Variants in SPG21 observed in about 807,000 individuals in gnomAD.
SPG21 encodes the protein SPG21 abhydrolase domain containing, maspardin, also known as maspardin.
In SPG21, 26 loss-of-function variants were observed where a neutral mutation model predicts 38.9. That is an observed-to-expected ratio of 0.67 (90% CI 0.49 to 0.93). SPG21 has a LOEUF of 0.93. Ranked by LOEUF, SPG21 falls within the 40% of genes least tolerant of loss-of-function variation. The probability of loss-of-function intolerance (pLI) is 0.00; values close to 1 mark genes in which losing one functional copy is unlikely to be tolerated. For missense variants in SPG21, 333 were observed against 376.5 expected, an observed-to-expected ratio of 0.88 and a Z score of 0.96; for synonymous variants, 136 against 128.9, an observed-to-expected ratio of 1.05 and a Z score of -0.37.
At chr15:64,988,849 G>C (rs1236555301) in intron 1 of SPG21, 1 of 152,316 alleles carries the variant, frequency 6.6e-6, no homozygotes, top group East Asian at 1.9e-4. Flanking sequence ...GGGCGTGGTG[G>C]CGGGAGCCTG....
intron 7 of SPG21, among the ~76,000 whole-genome samples, chr15:64,968,807 A>G (rs1335015961): frequency 1.3e-5 from 2 of 152,200 alleles, no homozygotes; most frequent in African/African-American, 4.8e-5. Flanking sequence ...CTGCCCATAT[A>G]TGTGCAATAT....
At chr15:64,978,013 A>G (rs1242857788) in intron 3 of SPG21, among the ~76,000 whole-genome samples, 1 of 151,742 alleles carries the variant, frequency 6.6e-6, no homozygotes, top group African/African-American at 2.4e-5. Flanking sequence ...TTGTATTTTT[A>G]GTAGAGACGG....
intron 3 of SPG21, among the ~76,000 whole-genome samples, chr15:64,979,934 T>C (rs1234277826): frequency 6.7e-6 from 1 of 149,644 alleles, no homozygotes; most frequent in African/African-American, 2.5e-5. Flanking sequence ...GAATGATCAG[T>C]GGGAAACTGG....
At chr15:64,968,200 C>T (rs749735991) in intron 7 of SPG21, among the ~76,000 whole-genome samples, 18 of 151,738 alleles carry the variant, frequency 1.2e-4, no homozygotes, top group Admixed American at 1.3e-4. Flanking sequence ...ATTAGCCGAA[C>T]GTAGTGGTGT....
intron 4 of SPG21, 95 bp downstream of exon 4, chr15:64,976,380 G>A (rs1463956036): frequency 1.1e-5 from 9 of 831,198 alleles, no homozygotes; most frequent in East Asian, 8.1e-5. Context: ...AGCCGAGATC[G>A]CGCCACTGCA....
chr15:64,973,165 C>G (rs2085705411), intron 5 of SPG21, among the ~76,000 whole-genome samples: 1 of 152,040 alleles, frequency 6.6e-6, no homozygotes, highest in Non-Finnish European at 1.5e-5. Context: ...GATGGGGTCT[C>G]ACTATGTTGC....
At chr15:64,970,004 T>G (rs2085628815) in intron 6 of SPG21, 110 bp downstream of exon 6, 1 of 937,360 alleles carries the variant, frequency 1.1e-6, no homozygotes, top group Admixed American at 1.7e-5. Flanking sequence ...ATTACTCTGC[T>G]TAGCAAATAC....
chr15:64,974,776 C>A, intron 4 of SPG21, 29 bp from the exon 5 acceptor site: 3 of 1,613,864 alleles, frequency 1.9e-6, no homozygotes, highest in Non-Finnish European at 2.5e-6. Flanking sequence ...AAGGCAGATT[C>A]TGAAATACTG....
intron 7 of SPG21, among the ~76,000 whole-genome samples, chr15:64,968,340 CAAAAAAAAAAA>C (rs11305475): frequency 1.8e-5 from 2 of 109,702 alleles, no homozygotes; most frequent in Non-Finnish European, 3.5e-5. Context: ...ACCCTGTTTC[CAAAAAAAAAAA>C]AAAAAAAAGA....
In SPG21 at chr15:64,969,309, T is replaced by G. The variant is rs760295993; in HGVS notation, c.615A>C (p.Gln205His). ...ELASRLTLNC[Q>H]NSYVEPHKIR... ...TTTTATGAGGTTCCACATAAGAATTTTGACAATTCAAGGTAAGTCTTGAAG... is the reference window on the plus strand; with the variant it reads ...TTTTATGAGGTTCCACATAAGAATTGTGACAATTCAAGGTAAGTCTTGAAG... The change falls in exon 7 of 9, where the codon CAA becomes CAC. Residue 205 changes from glutamine (Q) to histidine (H), a missense_variant. Physicochemically the swap from Gln to His is conservative, Grantham distance 24. Transcript: ENST00000204566. The G allele has an allele frequency of 6.2e-7, 1 of 1,614,170 alleles. No individual in the cohort carries two copies. Among genetic ancestry groups the G allele is most frequent in the East Asian group, 2.2e-5 (1 of 44,884 alleles).
In SPG21 at chr15:64,981,261, G is replaced by C. The variant is rs1268160319; in HGVS notation, c.64-236C>G. On this transcript the variant is annotated intron_variant, in intron 2 of 8. Coordinates refer to ENST00000204566, the MANE Select transcript of SPG21 (RefSeq NM_016630.7). The stretch of plus-strand genomic sequence containing the variant: ...CTACTTTATAATCTTCCAAAGGGCT[G>C]CTGCTTCTCTGTTTCTTCCCCCTCC... The C allele has an allele frequency of 3.2e-5, 15 of 467,336 alleles. No homozygotes were observed. The Admixed American group carries it at 5.6e-4, about 17-fold the overall frequency. The allele number at this position is 467,336 out of a possible 1,614,324, so 28.9% of individuals were successfully genotyped here. A position where few individuals can be genotyped will look rare whatever the true frequency, so the allele number is the denominator to read the frequency against.
intron 1 of SPG21, among the ~76,000 whole-genome samples, chr15:64,986,365 C>CA: frequency 6.6e-6 from 1 of 150,900 alleles, no homozygotes; most frequent in South Asian, 2.1e-4. Context: ...GACTCAATCT[C>CA]AAAAAAACAA....
At chr15:64,985,448 A>G (rs1566932970) in intron 1 of SPG21, among the ~76,000 whole-genome samples, 2 of 152,222 alleles carry the variant, frequency 1.3e-5, no homozygotes, top group Non-Finnish European at 2.9e-5. Flanking sequence ...CTAGCTGAAC[A>G]TCCTCAACTA....
At chr15:64,970,931 G>A (rs1171515119) in intron 5 of SPG21, among the ~76,000 whole-genome samples, 3 of 151,950 alleles carry the variant, frequency 2.0e-5, no homozygotes, top group Admixed American at 2.0e-4. Flanking sequence ...GTAAAGATGA[G>A]CTTTTGCAAT....
intron 1 of SPG21, among the ~76,000 whole-genome samples, chr15:64,986,700 CAAAACAAAACAA>C (rs1304568205): frequency 6.7e-6 from 1 of 150,296 alleles, no homozygotes; most frequent in Non-Finnish European, 1.5e-5. Context: ...CAAAACAAAA[CAAAACAAAACAA>C]AAAACAAAAA....
chr15:64,974,658 G>A lies in SPG21; in HGVS notation c.396C>T (p.Ile132=), dbSNP rs754160739. ...THKSPRVHSL[I]LCNSFSDTSI... ...AGGTGTCACTGAAGGAATTGCAGAG[G>A]ATTAGGGAATGGACTCTAGGAGATT... The change falls in exon 5 of 9, where the codon ATC becomes ATT. Residue 132 remains isoleucine, a synonymous_variant. Coordinates refer to ENST00000204566, the MANE Select transcript of SPG21 (RefSeq NM_016630.7). 37 of 1,614,048 alleles carry A rather than the reference G, an allele frequency of 2.3e-5. No homozygotes were observed. In the South Asian group the frequency reaches 3.6e-4, roughly 16 times the overall value.
intron 3 of SPG21, among the ~76,000 whole-genome samples, chr15:64,978,174 G>A (rs62015283): frequency 0.49 from 74,427 of 151,098 alleles, 19,229 homozygotes; most frequent in East Asian, 0.85. Context: ...CTGGCTGGGC[G>A]TGGTGGCTCA....
In SPG21 at chr15:64,989,655, C is replaced by T. The variant is rs2086075234; in HGVS notation, c.-25+10G>A. ...ACCCAGCCGCTTCCCAGGGCTTCGC[C>T]CACCCTCACCTGCCGTGGCCGCCCC... On this transcript the variant is annotated intron_variant, in intron 1 of 8. Coordinates refer to ENST00000204566, the MANE Select transcript of SPG21 (RefSeq NM_016630.7). 1.3e-5 allele frequency: 2 copies of T among 152,764 alleles called. No individual in the cohort carries two copies. Among genetic ancestry groups the T allele is most frequent in the Admixed American group, 1.3e-4 (2 of 15,262 alleles). The allele number at this position is 152,764 out of a possible 1,614,324, so 9.5% of individuals were successfully genotyped here. A position where few individuals can be genotyped will look rare whatever the true frequency, so the allele number is the denominator to read the frequency against.
At chr15:64,971,375 T>C (rs1465993016) in intron 5 of SPG21, among the ~76,000 whole-genome samples, 1 of 151,310 alleles carries the variant, frequency 6.6e-6, no homozygotes, top group Non-Finnish European at 1.5e-5. Flanking sequence ...CCGTCTCCAC[T>C]AAAAATACTA....
Sources: allele counts gnomAD v4.1 joint callset (sites outside exome capture counted in the v4.1 genomes callset), GRCh38; gene constraint gnomAD v4.1.1; transcripts MANE v1.5; gene names NCBI Gene and HGNC (gene_info 2026-07-23, HGNC 2026-07-21).